The following SEC24B variants were observed in gnomAD, a reference collection of about 807,000 sequenced individuals.
SEC24B encodes the protein SEC24 homolog B, COPII component.
A neutral mutation model predicts 142.8 loss-of-function variants in SEC24B; 45 were observed. The observed-to-expected ratio is 0.32, with a 90% CI of 0.25 to 0.40. SEC24B has a LOEUF of 0.40. SEC24B is among the 10% of genes least tolerant of loss of function. SEC24B has a pLI of 1.00. For missense variants in SEC24B, 1,409 were observed against 1,526.8 expected (o/e 0.92, Z 1.29); for synonymous variants, 574 against 568.2 (o/e 1.01, Z -0.15).
At position 109,534,356 on chromosome 4, in the gene SEC24B, G is replaced by A. The variant is rs572039572; in HGVS notation, c.3588+671G>A. ...AATCCAAGCACTTAAGGAGGCAGAGGCAGGCAGATCACAAAGTCAGGAGAT... is the reference window on the plus strand; with the variant it reads ...AATCCAAGCACTTAAGGAGGCAGAGACAGGCAGATCACAAAGTCAGGAGAT... On this transcript the variant is annotated intron_variant, in intron 22 of 23. Transcript: ENST00000265175. 3.3e-5 allele frequency among the ~76,000 whole-genome samples: 5 copies of A among 152,142 alleles called. No homozygotes were observed. In the South Asian group the frequency reaches 1.0e-3, roughly 32 times the overall value.
chr4:109,522,920 GACA>G (rs1723810871), intron 14 of SEC24B, among the ~76,000 whole-genome samples: 1 of 152,142 alleles, frequency 6.6e-6, no homozygotes, highest in South Asian at 2.1e-4. Context: ...TAAAAGTAGA[GACA>G]ACATCTTGCT....
intron 1 of SEC24B, among the ~76,000 whole-genome samples, chr4:109,449,759 C>A (rs1009257681): frequency 1.3e-5 from 2 of 152,148 alleles, no homozygotes; most frequent in African/African-American, 4.8e-5. Context: ...AAAGGCCCCA[C>A]CTCCTAACAC....
chr4:109,452,594 G>T (rs1264347738), intron 1 of SEC24B, among the ~76,000 whole-genome samples: 1 of 152,094 alleles, frequency 6.6e-6, no homozygotes, highest in East Asian at 1.9e-4. Context: ...TGATATTTTC[G>T]GTTTTTGATA....
intron 6 of SEC24B, among the ~76,000 whole-genome samples, chr4:109,497,214 A>G (rs1735628124): frequency 6.6e-6 from 1 of 152,236 alleles, no homozygotes; most frequent in African/African-American, 2.4e-5. Context: ...TGACCTTCTG[A>G]CTATCCACAG....
At chr4:109,503,366 G>A (rs1240365860) in intron 6 of SEC24B, among the ~76,000 whole-genome samples, 2 of 151,872 alleles carry the variant, frequency 1.3e-5, no homozygotes, top group South Asian at 2.1e-4. Context: ...TGGGATTACA[G>A]GCGCCCGCCA....
At chr4:109,531,795 A>G (rs992806962) in intron 20 of SEC24B, among the ~76,000 whole-genome samples, 5 of 152,192 alleles carry the variant, frequency 3.3e-5, no homozygotes, top group Admixed American at 3.3e-4. Flanking sequence ...TTACAAAGCT[A>G]AGTTGTAGAG....
intron 22 of SEC24B, among the ~76,000 whole-genome samples, chr4:109,536,254 C>T (rs1725520979): frequency 6.6e-6 from 1 of 152,060 alleles, no homozygotes. Context: ...TACCATGATA[C>T]TGGCACAGTA....
chr4:109,462,774 A>G (rs1485078840), intron 1 of SEC24B, 127 bp from the exon 2 acceptor site: 1 of 751,626 alleles, frequency 1.3e-6, no homozygotes, highest in African/African-American at 1.8e-5. Flanking sequence ...GGTCTATAAC[A>G]GTGTATACCT....
Position 109,520,348 on chromosome 4 carries a change from T to C in SEC24B, c.2127-18T>C, listed in dbSNP as rs765643029. The C allele has an allele frequency of 6.9e-6, 10 of 1,439,190 alleles. No homozygotes were observed. Among genetic ancestry groups the C allele is most frequent in the African/African-American group, 1.4e-5 (1 of 70,532 alleles). 89.2% of individuals were successfully genotyped at this position (1,439,190 alleles called of 1,614,324 possible). ...TTACTGAGCACTCTGAATTTAAAATTGTCATTTTTATCTTTAGGCTTCCTG... is the reference window on the plus strand; with the variant it reads ...TTACTGAGCACTCTGAATTTAAAATCGTCATTTTTATCTTTAGGCTTCCTG... On this transcript the variant is annotated intron_variant, in intron 11 of 23. Transcript: ENST00000265175.
chr4:109,443,725 G>A (rs997139884), intron 1 of SEC24B, among the ~76,000 whole-genome samples: 11 of 152,208 alleles, frequency 7.2e-5, no homozygotes, highest in African/African-American at 2.7e-4. Flanking sequence ...AGGCCTGTGA[G>A]AAGGGTGCCC....
At chr4:109,464,356 C>T (rs1578810124) in intron 2 of SEC24B, among the ~76,000 whole-genome samples, 1 of 150,496 alleles carries the variant, frequency 6.6e-6, no homozygotes, top group South Asian at 2.1e-4. Context: ...GATCTCAGCT[C>T]ACGGCAGCCT....
chr4:109,458,583 A>G lies in SEC24B; in HGVS notation c.134-4318A>G, dbSNP rs373835810. Among the ~76,000 whole-genome samples the G allele has an allele frequency of 6.6e-5, 10 of 152,234 alleles. No homozygotes were observed. In the East Asian group the frequency reaches 1.9e-3, roughly 29 times the overall value. On this transcript the variant is annotated intron_variant, in intron 1 of 23. Transcript: ENST00000265175. ...TTAAAAAAATGAAAACCTAAATGGCAGATAGAAAATTGATTAAAATATGGT... is the reference window on the plus strand; with the variant it reads ...TTAAAAAAATGAAAACCTAAATGGCGGATAGAAAATTGATTAAAATATGGT...
chr4:109,475,807 T>C (rs1443411986), intron 3 of SEC24B, among the ~76,000 whole-genome samples: 10 of 152,140 alleles, frequency 6.6e-5, no homozygotes, highest in Non-Finnish European at 1.5e-5. Context: ...CCCCTTTCCT[T>C]AATGTAATAA....
chr4:109,527,616 C>G (rs1001103425), intron 18 of SEC24B, among the ~76,000 whole-genome samples, 184 bp downstream of exon 18: 2 of 151,848 alleles, frequency 1.3e-5, no homozygotes, highest in Non-Finnish European at 1.5e-5. Context: ...ACTAAAAATA[C>G]GAAAAAATAG....
intron 7 of SEC24B, among the ~76,000 whole-genome samples, chr4:109,509,185 A>G (rs1363831033): frequency 3.3e-5 from 5 of 152,124 alleles, no homozygotes; most frequent in East Asian, 3.9e-4. Context: ...ACCTGCATGA[A>G]TGGCAAATAT....
intron 2 of SEC24B, among the ~76,000 whole-genome samples, chr4:109,470,373 G>T (rs373942212): frequency 1.3e-5 from 2 of 152,292 alleles, no homozygotes; most frequent in African/African-American, 4.8e-5. Context: ...TCCACATGAG[G>T]TGTTGCTAGT....
intron 7 of SEC24B, among the ~76,000 whole-genome samples, chr4:109,508,594 A>T (rs1033907992): frequency 6.6e-6 from 1 of 152,042 alleles, no homozygotes; most frequent in Non-Finnish European, 1.5e-5. Context: ...TTAAAAAAAA[A>T]TATGTTGCAT....
In SEC24B at chr4:109,471,194, G is replaced by C. The variant is rs554933919; in HGVS notation, c.878-1810G>C. 9.8e-5 allele frequency among the ~76,000 whole-genome samples: 15 copies of C among 152,288 alleles called. No homozygotes were observed. The East Asian group carries it at 2.9e-3, about 29-fold the overall frequency. Reference sequence around the variant, plus strand: ...GTCTCCCGCTTTCACCCAGGCTGGAGTGCAGTGGCAAGATCTTGGCTCACT... The same window carrying C: ...GTCTCCCGCTTTCACCCAGGCTGGACTGCAGTGGCAAGATCTTGGCTCACT... On this transcript the variant is annotated intron_variant, in intron 2 of 23. Coordinates refer to ENST00000265175, the MANE Select transcript of SEC24B (RefSeq NM_006323.5).
intron 2 of SEC24B, among the ~76,000 whole-genome samples, chr4:109,471,137 G>C (rs1036580909): frequency 6.6e-6 from 1 of 152,010 alleles, no homozygotes; most frequent in Non-Finnish European, 1.5e-5. Flanking sequence ...ACATATACCT[G>C]ATATGATTTC....
Sources: allele counts gnomAD v4.1 joint callset (sites outside exome capture counted in the v4.1 genomes callset), GRCh38; gene constraint gnomAD v4.1.1; transcripts MANE v1.5; gene names NCBI Gene and HGNC (gene_info 2026-07-23, HGNC 2026-07-21).